The following CSMD1 variants were observed in gnomAD, a reference collection of about 807,000 sequenced individuals.
CSMD1 encodes CUB and Sushi multiple domains 1, also known as CUB and sushi domain-containing protein 1.
In CSMD1, 213 loss-of-function variants were observed where a neutral mutation model predicts 417.5. That is an observed-to-expected ratio of 0.51 (90% CI 0.46 to 0.57). CSMD1 has a LOEUF of 0.57. Among genes scored for constraint, CSMD1 ranks in the 20% least tolerant of loss-of-function variants. CSMD1 has a pLI of 0.00. For missense variants in CSMD1, 6,923 were observed against 4,529.7 expected, an observed-to-expected ratio of 1.53 and a Z score of -15.17; for synonymous variants, 2,862 against 1,736.8, an observed-to-expected ratio of 1.65 and a Z score of -16.11.
At chr8:4,154,804 AT>A (rs1467895065) in intron 3 of CSMD1, among the ~76,000 whole-genome samples, 1 of 152,028 alleles carries the variant, frequency 6.6e-6, no homozygotes, top group Non-Finnish European at 1.5e-5. Context: ...GAAAGACTGA[AT>A]GTTGGAAAGA....
chr8:3,905,174 CAT>C (rs1414300021), intron 5 of CSMD1, among the ~76,000 whole-genome samples: 1 of 151,964 alleles, frequency 6.6e-6, no homozygotes, highest in Non-Finnish European at 1.5e-5. Flanking sequence ...AACAGGCAAA[CAT>C]AGAAAAAATA....
intron 3 of CSMD1, among the ~76,000 whole-genome samples, chr8:4,234,226 G>A (rs749455942): frequency 2.0e-5 from 3 of 152,156 alleles, no homozygotes; most frequent in Admixed American, 6.6e-5. Flanking sequence ...GTAAGCGAAG[G>A]CTGCCACCAG....
In CSMD1 at chr8:4,035,175, G is replaced by A. The variant is rs1219496091; in HGVS notation, c.416-3076C>T. ...TCCCAGGAGATGATGGCGTACTGAT[G>A]TTGTAGCCGTCATGAGGTCGTAGTG... On this transcript the variant is annotated intron_variant, in intron 3 of 69. Coordinates refer to ENST00000635120, the MANE Select transcript of CSMD1 (RefSeq NM_033225.6). Among the ~76,000 whole-genome samples the A allele has an allele frequency of 3.4e-5, 4 of 118,696 alleles. No homozygotes were observed. The South Asian group carries it at 1.0e-3, about 30-fold the overall frequency. 77.9% of individuals were successfully genotyped at this position (118,696 alleles called of 152,430 possible).
intron 55 of CSMD1, among the ~76,000 whole-genome samples, chr8:2,976,990 C>A (rs576113147): frequency 6.6e-6 from 1 of 151,570 alleles, no homozygotes; most frequent in South Asian, 2.1e-4. Context: ...AGAGCCATAT[C>A]CCTTCCCCTG....
rs141431579 is a variant in CSMD1 at position 4,363,666 on chromosome 8, A to G, written c.415+56287T>C. Among the ~76,000 whole-genome samples, 442 of 152,298 alleles carry G rather than the reference A, an allele frequency of 2.9e-3. 2 individuals are homozygous for G. Among genetic ancestry groups the G allele is most frequent in the African/African-American group, 0.01 (425 of 41,562 alleles). ...ATACAACTGGCAGGCAGCCTTTAAA[A>G]AGCATTACATCGCTCTGTGCCTGGT... is the stretch of plus-strand genomic sequence containing the variant. On this transcript the variant is annotated intron_variant, in intron 3 of 69. Transcript: ENST00000635120.
chr8:4,383,944 T>C (rs1803273043), intron 3 of CSMD1, among the ~76,000 whole-genome samples: 1 of 152,200 alleles, frequency 6.6e-6, no homozygotes, highest in South Asian at 2.1e-4. Flanking sequence ...AAATGCGTTC[T>C]CTTTTATGGA....
intron 49 of CSMD1, among the ~76,000 whole-genome samples, chr8:3,062,388 G>A (rs767161795): frequency 2.6e-5 from 4 of 152,100 alleles, no homozygotes; most frequent in Non-Finnish European, 5.9e-5. Context: ...TAGGTGGTGC[G>A]ATGTCGGGTG....
intron 2 of CSMD1, among the ~76,000 whole-genome samples, chr8:4,593,495 G>A (rs1300529635): frequency 6.6e-6 from 1 of 152,116 alleles, no homozygotes; most frequent in Non-Finnish European, 1.5e-5. Context: ...AACGCTTTTA[G>A]AGTCTTGGAT....
rs1380570734 is a variant in CSMD1, at chr8:3,977,682, A to T, written c.818+20221T>A. On this transcript the variant is annotated intron_variant, in intron 5 of 69. Coordinates refer to ENST00000635120, the MANE Select transcript of CSMD1 (RefSeq NM_033225.6). ...CCTTTCTGCTCATAAGAATGTGGTA[A>T]ATCACCAACTTTCTCTTTCTGTCAT... is the stretch of plus-strand genomic sequence containing the variant. Among the ~76,000 whole-genome samples, 5 of 152,182 alleles carry T rather than the reference A, an allele frequency of 3.3e-5. No homozygotes were observed. In the East Asian group the frequency reaches 9.7e-4, roughly 29 times the overall value.
At chr8:4,476,506 C>G (rs1285215475) in intron 2 of CSMD1, among the ~76,000 whole-genome samples, 1 of 152,128 alleles carries the variant, frequency 6.6e-6, no homozygotes, top group African/African-American at 2.4e-5. Context: ...TGAACATCAT[C>G]ACTACTTTTC....
intron 2 of CSMD1, among the ~76,000 whole-genome samples, chr8:4,584,270 T>G (rs1168927387): frequency 1.3e-5 from 2 of 151,960 alleles, no homozygotes; most frequent in Non-Finnish European, 2.9e-5. Flanking sequence ...GACTTTCACC[T>G]ATCGCCAAGC....
Position 2,942,512 on chromosome 8 carries a change from G to C in CSMD1, c.10495C>G (p.Leu3499Val). Residue 3499 changes from leucine to valine, a missense_variant, in exon 69 of 70, where the codon CTA becomes GTA. Coordinates refer to ENST00000635120, the MANE Select transcript of CSMD1 (RefSeq NM_033225.6). ...AAAILVPFFA[L>V]ILSGFAFYLY... The stretch of plus-strand genomic sequence containing the variant: ...TAAAATGCAAACCCTGATAAAATTA[G>C]AGCAAAGAAAGGAACCAGAATGGCA... 6.2e-7 allele frequency: 1 copy of C among 1,612,874 alleles called. No homozygotes were observed. Among genetic ancestry groups the C allele is most frequent in the Non-Finnish European group, 8.5e-7 (1 of 1,179,438 alleles).
intron 1 of CSMD1, among the ~76,000 whole-genome samples, chr8:4,989,856 C>A (rs1295772365): frequency 6.6e-6 from 1 of 152,174 alleles, no homozygotes; most frequent in Non-Finnish European, 1.5e-5. Flanking sequence ...TTAAAGGAAG[C>A]AGAACCATTT....
At chr8:2,992,211 GCA>G (rs1367256087) in intron 54 of CSMD1, among the ~76,000 whole-genome samples, 4 of 151,364 alleles carry the variant, frequency 2.6e-5, no homozygotes, top group Non-Finnish European at 4.4e-5. Context: ...ATACACACAT[GCA>G]CACACACATG....
intron 3 of CSMD1, among the ~76,000 whole-genome samples, chr8:4,230,214 A>T (rs973990343): frequency 6.6e-6 from 1 of 152,172 alleles, no homozygotes; most frequent in African/African-American, 2.4e-5. Flanking sequence ...GTTTCCCTCT[A>T]ATCTTAATAA....
At chr8:4,834,233 G>A (rs984226930) in intron 1 of CSMD1, among the ~76,000 whole-genome samples, 13 of 152,160 alleles carry the variant, frequency 8.5e-5, no homozygotes, top group African/African-American at 9.7e-5. Flanking sequence ...TAAGGAGAGG[G>A]AAGAAAAATA....
intron 4 of CSMD1, among the ~76,000 whole-genome samples, chr8:4,007,287 T>A (rs1034027985): frequency 3.9e-5 from 6 of 152,210 alleles, no homozygotes; most frequent in Non-Finnish European, 5.9e-5. Context: ...AGGCATTATG[T>A]GAGCTGGAAT....
intron 8 of CSMD1, among the ~76,000 whole-genome samples, chr8:3,611,848 G>C (rs1384446007): frequency 6.6e-6 from 1 of 151,828 alleles, no homozygotes; most frequent in East Asian, 1.9e-4. Flanking sequence ...AATTAATTTA[G>C]GACAGAAGTT....
intron 12 of CSMD1, among the ~76,000 whole-genome samples, chr8:3,465,599 T>C (rs1205663906): frequency 6.6e-6 from 1 of 152,070 alleles, no homozygotes; most frequent in Admixed American, 6.6e-5. Context: ...ATCTTAGGGT[T>C]AGAAGTGTGA....
Sources: allele counts gnomAD v4.1 joint callset (sites outside exome capture counted in the v4.1 genomes callset), GRCh38; gene constraint gnomAD v4.1.1; transcripts MANE v1.5; gene names NCBI Gene and HGNC (gene_info 2026-07-23, HGNC 2026-07-21).